CILK1: variants seen among roughly 807,000 people sequenced by gnomAD.
CILK1 encodes ciliogenesis associated kinase 1.
Under a neutral mutation model 79.2 loss-of-function variants are expected in CILK1, and 47 were observed. The ratio of observed to expected loss-of-function variants is 0.59; its 90% CI spans 0.47 to 0.76. The LOEUF (loss-of-function observed/expected upper bound fraction) is 0.76. Among genes scored for constraint, CILK1 ranks in the 30% least tolerant of loss-of-function variants. The probability of loss-of-function intolerance (pLI) is 0.00; values close to 1 mark genes in which losing one functional copy is unlikely to be tolerated. For synonymous variants in CILK1, 266 were observed against 275.9 expected, an observed-to-expected ratio of 0.96 and a Z score of 0.36; for missense variants, 660 against 769.5, an observed-to-expected ratio of 0.86 and a Z score of 1.68.
chr6:53,038,097 A>C, intron 2 of CILK1, 104 bp from the exon 3 acceptor site: 1 of 768,236 alleles, frequency 1.3e-6, no homozygotes, highest in Non-Finnish European at 2.3e-6. Flanking sequence ...ACAGTACTTA[A>C]AGTGGGTTTA....
intron 2 of CILK1, among the ~76,000 whole-genome samples, chr6:53,038,357 T>G (rs569796937): frequency 6.6e-6 from 1 of 152,360 alleles, no homozygotes; most frequent in East Asian, 1.9e-4. Context: ...CTGTCCAGGA[T>G]GGTAGCCACT....
At chr6:53,018,584 G>A in intron 6 of CILK1, 83 bp from the exon 7 acceptor site, 1 of 1,335,886 alleles carries the variant, frequency 7.5e-7, no homozygotes, top group Non-Finnish European at 1.1e-6. Flanking sequence ...TCAGTGAGGG[G>A]GTGTATATGT....
chr6:53,010,346 C>T (rs1269561327), intron 11 of CILK1, among the ~76,000 whole-genome samples: 1 of 152,154 alleles, frequency 6.6e-6, no homozygotes, highest in Non-Finnish European at 1.5e-5. Flanking sequence ...GCCATTCTCA[C>T]CCCATTCCTC....
chr6:53,027,098 TC>T (rs1765627788), intron 5 of CILK1, among the ~76,000 whole-genome samples: 1 of 152,186 alleles, frequency 6.6e-6, no homozygotes, highest in African/African-American at 2.4e-5. Flanking sequence ...AACTTTAATT[TC>T]CCAGATATTA....
chr6:53,051,905 T>TC lies in CILK1; in HGVS notation c.-173+9690_-173+9691insG, dbSNP rs1205692649. 4.6e-5 allele frequency: 7 copies of TC among 152,238 alleles called. No homozygotes were observed. The East Asian group carries it at 7.7e-4, about 17-fold the overall frequency. 9.4% of individuals were successfully genotyped at this position (152,238 alleles called of 1,614,324 possible). On this transcript the variant is annotated intron_variant, in intron 1 of 13. Coordinates refer to ENST00000676107, the MANE Select transcript of CILK1 (RefSeq NM_014920.5). ...TACCCAGCGAACAAGGACATTCTGT[T>TC]TTAAAATATAGAATGTACTTATCTC...
At chr6:53,025,729 C>T (rs546695839) in intron 5 of CILK1, among the ~76,000 whole-genome samples, 52 of 152,210 alleles carry the variant, frequency 3.4e-4, no homozygotes, top group Non-Finnish European at 6.2e-4. Flanking sequence ...TTGACATATG[C>T]TGTATTTGTT....
At chr6:53,031,028 A>G (rs1314327124) in intron 5 of CILK1, 37 bp downstream of exon 5, 29 of 1,352,024 alleles carry the variant, frequency 2.1e-5, no homozygotes, top group African/African-American at 4.3e-5. Context: ...ACAACATTTC[A>G]CTGCTCTTCA....
chr6:53,020,344 TAGAC>T (rs1439180729), intron 5 of CILK1, among the ~76,000 whole-genome samples: 1 of 152,150 alleles, frequency 6.6e-6, no homozygotes, highest in African/African-American at 2.4e-5. Flanking sequence ...ATCACCAACC[TAGAC>T]ATCATTTAAT....
intron 8 of CILK1, among the ~76,000 whole-genome samples, chr6:53,015,287 A>G (rs1764827737): frequency 6.6e-6 from 1 of 152,220 alleles, no homozygotes; most frequent in African/African-American, 2.4e-5. Context: ...GGAGGCTTGC[A>G]AGATGCCTGT....
chr6:53,038,023 A>G (rs1218076954), intron 2 of CILK1, 30 bp from the exon 3 acceptor site: 1 of 1,454,898 alleles, frequency 6.9e-7, no homozygotes, highest in Non-Finnish European at 9.7e-7. Flanking sequence ...CAAACAGCAC[A>G]CTTATTCTCA....
intron 3 of CILK1, among the ~76,000 whole-genome samples, chr6:53,034,239 T>G (rs538131437): frequency 4.2e-4 from 64 of 152,286 alleles, no homozygotes; most frequent in African/African-American, 1.4e-3. Context: ...AGGAGTGGGG[T>G]GCCTCCAGCT....
chr6:53,031,318 T>G (rs1174020455), intron 4 of CILK1, among the ~76,000 whole-genome samples, 174 bp from the exon 5 acceptor site: 1 of 152,218 alleles, frequency 6.6e-6, no homozygotes, highest in Non-Finnish European at 1.5e-5. Context: ...AAAAAAGTTT[T>G]TCCTCCAACA....
intron 5 of CILK1, among the ~76,000 whole-genome samples, chr6:53,025,944 T>C (rs1187061251): frequency 6.6e-6 from 1 of 152,146 alleles, no homozygotes; most frequent in Non-Finnish European, 1.5e-5. Context: ...CATTACTATT[T>C]CCTTATGAGC....
rs1308583533 is a variant in CILK1 at position 53,045,834 on chromosome 6, A to C, written c.-172-4426T>G. Among the ~76,000 whole-genome samples, 4 of 151,968 alleles carry C rather than the reference A, an allele frequency of 2.6e-5. No individual in the cohort carries two copies. In the East Asian group the frequency reaches 5.8e-4, roughly 22 times the overall value. The stretch of plus-strand genomic sequence containing the variant: ...ATTCCTGGAAGCTTGATTTGTCAAA[A>C]AAAAAAAAAAATCAGCCAACTAATA... On this transcript the variant is annotated intron_variant, in intron 1 of 13. Coordinates refer to ENST00000676107, the MANE Select transcript of CILK1 (RefSeq NM_014920.5).
intron 1 of CILK1, among the ~76,000 whole-genome samples, chr6:53,043,672 A>G (rs1485547233): frequency 6.6e-6 from 1 of 152,084 alleles, no homozygotes; most frequent in Non-Finnish European, 1.5e-5. Flanking sequence ...GACAGATCCT[A>G]TCTTTAAGCT....
intron 5 of CILK1, among the ~76,000 whole-genome samples, chr6:53,020,295 A>T (rs1369271712): frequency 6.6e-6 from 1 of 152,166 alleles, no homozygotes; most frequent in African/African-American, 2.4e-5. Context: ...ATTGCAATAT[A>T]TGTCTCTGAA....
Position 53,051,318 on chromosome 6 carries a change from A to G in CILK1, c.-172-9910T>C, listed in dbSNP as rs1767468347. Among the ~76,000 whole-genome samples, 3 of 152,262 alleles carry G rather than the reference A, an allele frequency of 2.0e-5. No individual in the cohort carries two copies. The South Asian group carries it at 6.2e-4, about 31-fold the overall frequency. On this transcript the variant is annotated intron_variant, in intron 1 of 13. Transcript: ENST00000676107. ...CTTGTCAGTTATATTAATTTCCCACAGCTGCTCCAAAAATTTTCACAAAGT... is the reference window on the plus strand; with the variant it reads ...CTTGTCAGTTATATTAATTTCCCACGGCTGCTCCAAAAATTTTCACAAAGT...
intron 12 of CILK1, among the ~76,000 whole-genome samples, chr6:53,006,795 C>T (rs928240481): frequency 1.8e-4 from 28 of 152,180 alleles, no homozygotes; most frequent in African/African-American, 6.8e-4. Context: ...GAATAGTTAT[C>T]CTTCCATGTG....
chr6:53,020,548 T>G (rs943462276), intron 5 of CILK1, among the ~76,000 whole-genome samples: 5 of 152,222 alleles, frequency 3.3e-5, no homozygotes, highest in African/African-American at 1.2e-4. Context: ...AGAAATTGCT[T>G]ACTGCAGCAT....
Sources: allele counts gnomAD v4.1 joint callset (sites outside exome capture counted in the v4.1 genomes callset), GRCh38; gene constraint gnomAD v4.1.1; transcripts MANE v1.5; gene names NCBI Gene and HGNC (gene_info 2026-07-23, HGNC 2026-07-21).